ROBO1: variants seen among roughly 807,000 people sequenced by gnomAD.
ROBO1 encodes the protein roundabout guidance receptor 1.
Under a neutral mutation model 195.9 loss-of-function variants are expected in ROBO1, and 149 were observed. That is an observed-to-expected ratio of 0.76 (90% CI 0.67 to 0.87). ROBO1 has a LOEUF of 0.87. ROBO1 is among the 40% of genes least tolerant of loss of function. ROBO1 has a pLI of 0.00. For missense variants in ROBO1, 1,933 were observed against 2,068.3 expected (o/e 0.93, Z 1.27); for synonymous variants, 816 against 733.2 (o/e 1.11, Z -1.82).
chr3:78,912,308 A>C (rs2038293019), intron 4 of ROBO1, among the ~76,000 whole-genome samples: 1 of 152,080 alleles, frequency 6.6e-6, no homozygotes, highest in South Asian at 2.1e-4. Flanking sequence ...TTATACTAAT[A>C]AGCAACATAT....
At chr3:78,744,378 T>C (rs1046207239) in intron 5 of ROBO1, among the ~76,000 whole-genome samples, 3 of 152,154 alleles carry the variant, frequency 2.0e-5, no homozygotes, top group Admixed American at 1.3e-4. Flanking sequence ...TCTTAGTGGT[T>C]CTCCCTGCCT....
intron 26 of ROBO1, among the ~76,000 whole-genome samples, chr3:78,621,023 T>C (rs1266632706): frequency 1.3e-5 from 2 of 151,642 alleles, no homozygotes; most frequent in Non-Finnish European, 2.9e-5. Flanking sequence ...TGTAATTATA[T>C]ATTATTATGT....
chr3:79,425,276 G>A (rs1464038924), intron 2 of ROBO1, among the ~76,000 whole-genome samples: 2 of 152,084 alleles, frequency 1.3e-5, no homozygotes, highest in East Asian at 1.9e-4. Context: ...TTCCTTGATG[G>A]CGCAGTAACC....
chr3:79,089,043 T>C (rs1227943310), intron 3 of ROBO1, among the ~76,000 whole-genome samples: 2 of 152,082 alleles, frequency 1.3e-5, no homozygotes, highest in African/African-American at 4.8e-5. Flanking sequence ...TTTAGTAAAG[T>C]CATTTTTATT....
chr3:79,100,400 T>C (rs2079653817), intron 3 of ROBO1, among the ~76,000 whole-genome samples: 1 of 151,718 alleles, frequency 6.6e-6, no homozygotes, highest in Non-Finnish European at 1.5e-5. Context: ...TATTCTTTTT[T>C]TCCCTAAACC....
intron 2 of ROBO1, among the ~76,000 whole-genome samples, chr3:79,398,162 C>G (rs917193915): frequency 6.6e-6 from 1 of 151,986 alleles, no homozygotes; most frequent in African/African-American, 2.4e-5. Context: ...TTCTCTGATT[C>G]TTATTCTGGT....
chr3:79,757,398 A>G (rs1704461636), intron 1 of ROBO1, among the ~76,000 whole-genome samples: 2 of 152,116 alleles, frequency 1.3e-5, no homozygotes, highest in Non-Finnish European at 2.9e-5. Context: ...GTCTCAAATG[A>G]GGACAGAGGA....
chr3:79,683,674 G>A (rs567430086), intron 1 of ROBO1, among the ~76,000 whole-genome samples: 82 of 152,008 alleles, frequency 5.4e-4, no homozygotes, highest in Non-Finnish European at 1.0e-3. Context: ...CCTATTCTGG[G>A]CATTTCATAT....
chr3:78,848,564 G>A (rs867844858), intron 4 of ROBO1, among the ~76,000 whole-genome samples: 5 of 152,120 alleles, frequency 3.3e-5, no homozygotes, highest in Admixed American at 1.3e-4. Context: ...CCTTAGAGAA[G>A]GGAGGGGCCA....
chr3:79,102,066 G>A (rs1576675274), intron 3 of ROBO1, among the ~76,000 whole-genome samples: 1 of 151,684 alleles, frequency 6.6e-6, no homozygotes, highest in East Asian at 1.9e-4. Flanking sequence ...ATCAGTATTT[G>A]TACATATGTA....
At chr3:79,258,524 A>G (rs2082879896) in intron 2 of ROBO1, among the ~76,000 whole-genome samples, 1 of 152,160 alleles carries the variant, frequency 6.6e-6, no homozygotes. Context: ...AATACCAAAG[A>G]TCACAGTAGA....
chr3:79,277,709 A>T (rs1276803602), intron 2 of ROBO1, among the ~76,000 whole-genome samples: 1 of 152,012 alleles, frequency 6.6e-6, no homozygotes, highest in Non-Finnish European at 1.5e-5. Context: ...TACATTGTAT[A>T]TCTATATCAA....
intron 1 of ROBO1, among the ~76,000 whole-genome samples, chr3:79,610,737 G>A (rs1215283419): frequency 6.6e-6 from 1 of 151,974 alleles, no homozygotes; most frequent in Admixed American, 6.6e-5. Flanking sequence ...CAGAAACCCA[G>A]CTCAACTGAC....
intron 1 of ROBO1, among the ~76,000 whole-genome samples, chr3:79,638,269 A>G (rs1222741167): frequency 6.6e-6 from 1 of 152,244 alleles, no homozygotes; most frequent in Non-Finnish European, 1.5e-5. Context: ...AGATTTGCAA[A>G]GGCAGGAAAA....
At chr3:78,810,483 C>T (rs1335537755) in intron 4 of ROBO1, among the ~76,000 whole-genome samples, 1 of 152,058 alleles carries the variant, frequency 6.6e-6, no homozygotes, top group Non-Finnish European at 1.5e-5. Flanking sequence ...GAAAAAAAAT[C>T]ATCCAGCCAA....
chr3:79,496,393 T>G (rs1939742831), intron 2 of ROBO1, among the ~76,000 whole-genome samples: 1 of 112,244 alleles, frequency 8.9e-6, no homozygotes, highest in Non-Finnish European at 1.9e-5. Context: ...CCATCTTTTT[T>G]TGAGACGGAG....
chr3:79,064,868 A>G (rs548699855), intron 3 of ROBO1, among the ~76,000 whole-genome samples: 5 of 152,078 alleles, frequency 3.3e-5, no homozygotes, highest in Middle Eastern at 3.4e-3. Flanking sequence ...CCTCAAATAC[A>G]TAAGGTATTT....
intron 2 of ROBO1, among the ~76,000 whole-genome samples, chr3:79,178,834 A>G (rs1461151535): frequency 6.6e-6 from 1 of 152,210 alleles, no homozygotes; most frequent in Admixed American, 6.5e-5. Context: ...GATGTAGCAG[A>G]GTTTGAAATA....
At chr3:78,912,362 A>C (rs2038296404) in intron 4 of ROBO1, among the ~76,000 whole-genome samples, 1 of 152,124 alleles carries the variant, frequency 6.6e-6, no homozygotes, top group Admixed American at 6.6e-5. Flanking sequence ...GCTTCGGCTT[A>C]CAGAAAATAC....
Sources: allele counts gnomAD v4.1 joint callset (sites outside exome capture counted in the v4.1 genomes callset), GRCh38; gene constraint gnomAD v4.1.1; transcripts MANE v1.5; gene names NCBI Gene and HGNC (gene_info 2026-07-23, HGNC 2026-07-21).